KIRREL3: variants seen among roughly 807,000 people sequenced by gnomAD.
The protein encoded by KIRREL3 is kin of IRRE-like protein 3.
In KIRREL3, 36 loss-of-function variants were observed where a neutral mutation model predicts 89.7. The observed-to-expected ratio is 0.40, with a 90% CI of 0.31 to 0.53. KIRREL3 has a LOEUF of 0.53. KIRREL3 is among the 20% of genes least tolerant of loss of function. The pLI, the probability that KIRREL3 is intolerant of heterozygous loss-of-function variation, is 0.49. For missense variants in KIRREL3, 864 were observed against 1,056.6 expected, an observed-to-expected ratio of 0.82 and a Z score of 2.53; for synonymous variants, 445 against 441.4, an observed-to-expected ratio of 1.01 and a Z score of -0.10.
At chr11:126,974,106 G>A (rs1949505004) in intron 1 of KIRREL3, among the ~76,000 whole-genome samples, 2 of 152,076 alleles carry the variant, frequency 1.3e-5, no homozygotes, top group South Asian at 4.1e-4. Flanking sequence ...TACATAAGAT[G>A]CAAAATATTG....
intron 1 of KIRREL3, among the ~76,000 whole-genome samples, chr11:126,626,068 T>G (rs915795580): frequency 1.3e-5 from 2 of 152,218 alleles, no homozygotes; most frequent in African/African-American, 4.8e-5. Flanking sequence ...GATTCTGGAA[T>G]CAGAACCCTG....
At chr11:126,850,700 C>A (rs557806146) in intron 1 of KIRREL3, among the ~76,000 whole-genome samples, 1 of 152,156 alleles carries the variant, frequency 6.6e-6, no homozygotes, top group East Asian at 1.9e-4. Context: ...GCGTTCCAGC[C>A]ACTGCTTATC....
Position 126,685,917 on chromosome 11 carries a change from C to A in KIRREL3, c.56-123005G>T, listed in dbSNP as rs1591958596. ...CTTCACGTGGCATCCTGTGCCTGCT[C>A]AATGCTGAATCTGCTTCCCATGTGC... On this transcript the variant is annotated intron_variant, in intron 1 of 16. Transcript: ENST00000525144. The surrounding 1 kb of genome is among the most constrained non-coding windows in gnomAD (Gnocchi z 5.5). Among the ~76,000 whole-genome samples the A allele has an allele frequency of 6.6e-6, 1 of 152,236 alleles. No individual in the cohort carries two copies. The highest frequency in any genetic ancestry group is 1.9e-4 in the East Asian group (1 of 5,192).
At chr11:126,974,105 T>G (rs1439858552) in intron 1 of KIRREL3, among the ~76,000 whole-genome samples, 2 of 152,108 alleles carry the variant, frequency 1.3e-5, no homozygotes, top group Non-Finnish European at 2.9e-5. Context: ...TTACATAAGA[T>G]GCAAAATATT....
rs1958646296 is a variant in KIRREL3 at position 126,523,093 on chromosome 11, C to T, written c.284-1629G>A. On this transcript the variant is annotated intron_variant, in intron 3 of 16. Coordinates refer to ENST00000525144, the MANE Select transcript of KIRREL3 (RefSeq NM_032531.4). The surrounding 1 kb of genome is among the most constrained non-coding windows in gnomAD (Gnocchi z 4.9). Reference sequence around the variant, plus strand: ...TGAGCTCCCAAGGGCAGCACCAGCACCAACAGGCAGAATTCACATGGGGAG... The same window carrying T: ...TGAGCTCCCAAGGGCAGCACCAGCATCAACAGGCAGAATTCACATGGGGAG... Among the ~76,000 whole-genome samples the T allele has an allele frequency of 6.6e-6, 1 of 152,190 alleles. No individual in the cohort carries two copies. The highest frequency in any genetic ancestry group is 6.5e-5 in the Admixed American group (1 of 15,282).
rs1483045459 is a variant in KIRREL3 at position 126,796,109 on chromosome 11, A to G, written c.55+204346T>C. Among the ~76,000 whole-genome samples, 2 of 151,662 alleles carry G rather than the reference A, an allele frequency of 1.3e-5. No individual in the cohort carries two copies. Among genetic ancestry groups the G allele is most frequent in the Non-Finnish European group, 2.9e-5 (2 of 67,946 alleles). ...TTTATCCATGGGGTCCATGGATCTT[A>G]TTTTAGTTTTGCTAATGCAATAAAG... is the stretch of plus-strand genomic sequence containing the variant. On this transcript the variant is annotated intron_variant, in intron 1 of 16. Transcript: ENST00000525144. The surrounding 1 kb of genome is among the most constrained non-coding windows in gnomAD (Gnocchi z 5.1).
chr11:126,588,513 T>A lies in KIRREL3; in HGVS notation c.56-25601A>T, dbSNP rs1591784453. ...TTGGGTGGAGCCTTGCTGCGGGCCC[T>A]GAGGCAGGGAGGGGAAGGAGAGGAG... On this transcript the variant is annotated intron_variant, in intron 1 of 16. Transcript: ENST00000525144. Among the ~76,000 whole-genome samples the A allele has an allele frequency of 2.6e-5, 4 of 152,130 alleles. No individual in the cohort carries two copies. In the South Asian group the frequency reaches 8.3e-4, roughly 32 times the overall value.
At chr11:126,930,576 C>T (rs1266673753) in intron 1 of KIRREL3, among the ~76,000 whole-genome samples, 1 of 152,192 alleles carries the variant, frequency 6.6e-6, no homozygotes, top group East Asian at 1.9e-4. Context: ...ATCTTCTGCC[C>T]TTCCCTGCCA....
rs115886903 is a variant in KIRREL3 at position 126,474,762 on chromosome 11, G to T, written c.434-1296C>A. On this transcript the variant is annotated intron_variant, in intron 4 of 16. Transcript: ENST00000525144. This position sits in a 1 kb window ranked among gnomAD's most constrained non-coding sequence, Gnocchi z 6.7. Reference sequence around the variant, plus strand: ...GGGGAAACTCCACTGACATTTGCTGGCCCCACTGGGGTCACCCTTTGATTC... The same window carrying T: ...GGGGAAACTCCACTGACATTTGCTGTCCCCACTGGGGTCACCCTTTGATTC... Among the ~76,000 whole-genome samples the T allele has an allele frequency of 6.6e-6, 1 of 152,224 alleles. No homozygotes were observed. The highest frequency in any genetic ancestry group is 2.1e-4 in the South Asian group (1 of 4,836).
intron 1 of KIRREL3, among the ~76,000 whole-genome samples, chr11:126,845,079 G>A (rs1039941358): frequency 1.3e-5 from 2 of 152,202 alleles, no homozygotes; most frequent in African/African-American, 4.8e-5. Flanking sequence ...GTGGATTAAC[G>A]ATGATGGGGC....
chr11:126,486,450 A>G lies in KIRREL3; in HGVS notation c.434-12984T>C, dbSNP rs1205631859. The stretch of plus-strand genomic sequence containing the variant: ...CAGCTCCTATGCTGATGGCTGCAGG[A>G]TGGGTGAGAGCGCTTCTTAGGTGTG... On this transcript the variant is annotated intron_variant, in intron 4 of 16. Coordinates refer to ENST00000525144, the MANE Select transcript of KIRREL3 (RefSeq NM_032531.4). The surrounding 1 kb of genome is among the most constrained non-coding windows in gnomAD (Gnocchi z 6.2). 6.6e-6 allele frequency among the ~76,000 whole-genome samples: 1 copy of G among 152,178 alleles called. No individual in the cohort carries two copies. The highest frequency in any genetic ancestry group is 1.5e-5 in the Non-Finnish European group (1 of 68,028).
At position 126,651,484 on chromosome 11, in the gene KIRREL3, C is replaced by T. The variant is rs992652086; in HGVS notation, c.56-88572G>A. 1.3e-5 allele frequency among the ~76,000 whole-genome samples: 2 copies of T among 152,210 alleles called. No homozygotes were observed. Among genetic ancestry groups the T allele is most frequent in the African/African-American group, 4.8e-5 (2 of 41,442 alleles). ...CATGGCTGATTTTGACAGGAGATGT[C>T]AGGTTAGTCTTAGTTATCCTGGAGC... On this transcript the variant is annotated intron_variant, in intron 1 of 16. Coordinates refer to ENST00000525144, the MANE Select transcript of KIRREL3 (RefSeq NM_032531.4). The surrounding 1 kb of genome is among the most constrained non-coding windows in gnomAD (Gnocchi z 4.6).
intron 1 of KIRREL3, among the ~76,000 whole-genome samples, chr11:126,756,537 AT>A (rs1949507022): frequency 6.6e-6 from 1 of 152,232 alleles, no homozygotes; most frequent in Non-Finnish European, 1.5e-5. Flanking sequence ...GGACAGATGT[AT>A]TGTTGGTCTA....
chr11:126,776,693 T>A lies in KIRREL3; in HGVS notation c.56-213781A>T, dbSNP rs1360975758. ...ACAGAAGTCAACTGTTAAAACCTTGTGGTAATCCAAAGAGAACAGAGGGAA... is the reference window on the plus strand; with the variant it reads ...ACAGAAGTCAACTGTTAAAACCTTGAGGTAATCCAAAGAGAACAGAGGGAA... On this transcript the variant is annotated intron_variant, in intron 1 of 16. Coordinates refer to ENST00000525144, the MANE Select transcript of KIRREL3 (RefSeq NM_032531.4). The surrounding 1 kb of genome is among the most constrained non-coding windows in gnomAD (Gnocchi z 4.7). Among the ~76,000 whole-genome samples the A allele has an allele frequency of 6.6e-6, 1 of 152,228 alleles. No homozygotes were observed.
At position 126,443,814 on chromosome 11, in the gene KIRREL3, A is replaced by G. The variant is rs546093025; in HGVS notation, c.1252+1165T>C. On this transcript the variant is annotated intron_variant, in intron 10 of 16. Transcript: ENST00000525144. The surrounding 1 kb of genome is among the most constrained non-coding windows in gnomAD (Gnocchi z 7.3). ...GGGCCAGGACCCAGATGTCCTGCAA[A>G]TGTTGGTGGTTCAGTTCCTGCAGGG... Among the ~76,000 whole-genome samples the G allele has an allele frequency of 1.5e-3, 225 of 152,212 alleles. 2 individuals are homozygous for G. In the Middle Eastern group the frequency reaches 0.027, roughly 18 times the overall value.
Position 126,761,630 on chromosome 11 carries a change from CAT to C in KIRREL3, c.56-198720_56-198719del, listed in dbSNP as rs1949668763. Among the ~76,000 whole-genome samples the C allele has an allele frequency of 6.6e-6, 1 of 152,192 alleles. No individual in the cohort carries two copies. The highest frequency in any genetic ancestry group is 6.5e-5 in the Admixed American group (1 of 15,274). ...TGGTTACACTGTTATTACTTTGAGA[CAT>C]AGTTACTCTTTCTTCTAAGGAATCT... On this transcript the variant is annotated intron_variant, in intron 1 of 16. Coordinates refer to ENST00000525144, the MANE Select transcript of KIRREL3 (RefSeq NM_032531.4). The surrounding 1 kb of genome is among the most constrained non-coding windows in gnomAD (Gnocchi z 4.4).
chr11:126,647,958 G>T lies in KIRREL3; in HGVS notation c.56-85046C>A, dbSNP rs149872648. 2.7e-3 allele frequency among the ~76,000 whole-genome samples: 410 copies of T among 152,214 alleles called. 6 individuals carry two copies. Among genetic ancestry groups the T allele is most frequent in the Admixed American group, 0.022 (331 of 15,286 alleles). ...TTGCTTGCTTATACAGTTTGGATTT[G>T]TGTCCCCACCCAAATGTCATGTCAT... is the stretch of plus-strand genomic sequence containing the variant. On this transcript the variant is annotated intron_variant, in intron 1 of 16. Transcript: ENST00000525144. The surrounding 1 kb of genome is among the most constrained non-coding windows in gnomAD (Gnocchi z 4.9).
Position 126,750,076 on chromosome 11 carries a change from TG to T in KIRREL3, c.56-187165del, listed in dbSNP as rs1156551690. 1.3e-5 allele frequency among the ~76,000 whole-genome samples: 2 copies of T among 152,212 alleles called. No homozygotes were observed. Among genetic ancestry groups the T allele is most frequent in the Non-Finnish European group, 2.9e-5 (2 of 68,038 alleles). On this transcript the variant is annotated intron_variant, in intron 1 of 16. Transcript: ENST00000525144. This position sits in a 1 kb window ranked among gnomAD's most constrained non-coding sequence, Gnocchi z 4.2. ...TAAAATGCAGGCTGTGCTACTTAAA[TG>T]GGGGCTTTTTGTGGATATTGAAAAT...
In KIRREL3 at chr11:126,748,951, A is replaced by C. The variant is rs1257263082; in HGVS notation, c.56-186039T>G. The stretch of plus-strand genomic sequence containing the variant: ...GTGGGAGAGCCGCTTAGGTCCTCTT[A>C]TGTGACCTCCATCCAGCCTTCCTGG... On this transcript the variant is annotated intron_variant, in intron 1 of 16. Transcript: ENST00000525144. The surrounding 1 kb of genome is among the most constrained non-coding windows in gnomAD (Gnocchi z 4.6). Among the ~76,000 whole-genome samples, 4 of 152,118 alleles carry C rather than the reference A, an allele frequency of 2.6e-5. No individual in the cohort carries two copies. The East Asian group carries it at 7.7e-4, about 29-fold the overall frequency.
Sources: allele counts gnomAD v4.1 joint callset (sites outside exome capture counted in the v4.1 genomes callset), GRCh38; gene constraint gnomAD v4.1.1; non-coding constraint Gnocchi (gnomAD v3.1); transcripts MANE v1.5; gene names NCBI Gene and HGNC (gene_info 2026-07-23, HGNC 2026-07-21).